RUFY1: variants seen among roughly 807,000 people sequenced by gnomAD.
RUFY1 encodes the protein RUN and FYVE domain containing 1, also known as RUN and FYVE domain-containing protein 1.
Under a neutral mutation model 94.6 loss-of-function variants are expected in RUFY1, and 54 were observed. That is an observed-to-expected ratio of 0.57 (90% CI 0.46 to 0.72). The LOEUF (loss-of-function observed/expected upper bound fraction) is 0.72. Ranked by LOEUF, RUFY1 falls within the 30% of genes least tolerant of loss-of-function variation. The probability of loss-of-function intolerance (pLI) is 0.00; values close to 1 mark genes in which losing one functional copy is unlikely to be tolerated. For synonymous variants in RUFY1, 396 were observed against 347.3 expected (o/e 1.14, Z -1.56); for missense variants, 883 against 883.9 (o/e 1.00, Z 0.01).
intron 8 of RUFY1, among the ~76,000 whole-genome samples, chr5:179,588,635 T>G (rs1268156624): frequency 1.3e-5 from 2 of 152,182 alleles, no homozygotes; most frequent in Non-Finnish European, 2.9e-5. Flanking sequence ...CTGGAAAAAC[T>G]GGAAAGAAAG....
chr5:179,608,936 AG>A (rs1767404102), intron 17 of RUFY1, among the ~76,000 whole-genome samples: 1 of 116,680 alleles, frequency 8.6e-6, no homozygotes, highest in African/African-American at 3.2e-5. Flanking sequence ...AAAAAAAAAA[AG>A]CCGGGCGCGG....
intron 14 of RUFY1, chr5:179,599,552 A>C (rs1211880750): frequency 6.6e-6 from 1 of 152,446 alleles, no homozygotes; most frequent in African/African-American, 2.4e-5. Context: ...AGAGGGCGAG[A>C]GAAGTGGGGT....
At chr5:179,580,220 TGTGTG>T (rs1764009562) in intron 6 of RUFY1, among the ~76,000 whole-genome samples, 1 of 57,802 alleles carries the variant, frequency 1.7e-5, no homozygotes, top group Admixed American at 1.8e-4. Context: ...TGTGTGTGTG[TGTGTG>T]TGTGTGTGTG....
intron 1 of RUFY1, among the ~76,000 whole-genome samples, chr5:179,552,754 T>A (rs897537164): frequency 3.3e-5 from 5 of 152,084 alleles, no homozygotes; most frequent in Non-Finnish European, 5.9e-5. Context: ...AAGGAAAAAA[T>A]TAAAAAGATA....
intron 14 of RUFY1, 47 bp from the exon 15 acceptor site, chr5:179,601,845 G>A (rs1167433795): frequency 1.1e-6 from 1 of 900,664 alleles, no homozygotes; most frequent in Non-Finnish European, 1.7e-6. Flanking sequence ...AAAAAAAAAG[G>A]ACCGTGTAAT....
Position 179,578,816 on chromosome 5 carries a change from G to A in RUFY1, c.890+1680G>A, listed in dbSNP as rs571416515. On this transcript the variant is annotated intron_variant, in intron 6 of 17. Transcript: ENST00000319449. ...TGTGCCACCATGCCTGGCTAATTTT[G>A]TATTTTTAGTGGAGATGGAGTTTCT... Among the ~76,000 whole-genome samples, 12 of 151,852 alleles carry A rather than the reference G, an allele frequency of 7.9e-5. No homozygotes were observed. The East Asian group carries it at 1.6e-3, about 20-fold the overall frequency.
chr5:179,559,867 C>A lies in RUFY1; in HGVS notation c.311-158C>A, dbSNP rs1189225099. On this transcript the variant is annotated intron_variant, in intron 1 of 17. Coordinates refer to ENST00000319449, the MANE Select transcript of RUFY1 (RefSeq NM_025158.5). Reference sequence around the variant, plus strand: ...GGCTGTGGCCTCTAGGGATCAGGGACTACTTACCTGCGAATCCCGGTTGCC... The same window carrying A: ...GGCTGTGGCCTCTAGGGATCAGGGAATACTTACCTGCGAATCCCGGTTGCC... 2.1e-6 allele frequency: 3 copies of A among 1,422,240 alleles called. No homozygotes were observed. The Admixed American group carries it at 8.4e-5, about 40-fold the overall frequency. 88.1% of individuals were successfully genotyped at this position (1,422,240 alleles called of 1,614,324 possible). A position where few individuals can be genotyped will look rare whatever the true frequency, so the allele number is the denominator to read the frequency against.
intron 9 of RUFY1, among the ~76,000 whole-genome samples, chr5:179,591,134 A>G (rs946469876): frequency 6.6e-6 from 1 of 151,968 alleles, no homozygotes; most frequent in Non-Finnish European, 1.5e-5. Flanking sequence ...CACCCAGCCT[A>G]TGAACTTAAC....
Position 179,591,663 on chromosome 5 carries a change from C to T in RUFY1, c.1167C>T (p.Tyr389=), listed in dbSNP as rs1328763010. ...KQDTKVELET[Y]KQTRQGLDEM... ...ATACCAAAGTTGAGCTGGAGACTTACAAGCAAACTCGGCAAGGTCTGGATG... is the reference window on the plus strand; with the variant it reads ...ATACCAAAGTTGAGCTGGAGACTTATAAGCAAACTCGGCAAGGTCTGGATG... The change falls in exon 10 of 18, where the codon TAC becomes TAT. Residue 389 remains tyrosine (Y), a synonymous_variant. Transcript: ENST00000319449. 6.2e-7 allele frequency: 1 copy of T among 1,613,146 alleles called. No homozygotes were observed. Among genetic ancestry groups the T allele is most frequent in the Non-Finnish European group, 8.5e-7 (1 of 1,179,722 alleles).
chr5:179,564,673 C>CA lies in RUFY1; in HGVS notation c.602+2020dup, dbSNP rs11318450. Among the ~76,000 whole-genome samples the CA allele has an allele frequency of 2.7e-4, 37 of 136,416 alleles. No homozygotes were observed. In the East Asian group the frequency reaches 5.1e-3, roughly 19 times the overall value. The allele number at this position is 136,416 out of a possible 152,430, so 89.5% of individuals were successfully genotyped here. A position where few individuals can be genotyped will look rare whatever the true frequency, so the allele number is the denominator to read the frequency against. On this transcript the variant is annotated intron_variant, in intron 3 of 17. Transcript: ENST00000319449. ...GACAGAGTGAAGTGAGACTCCATCT[C>CA]AAAAAAAAAAAGAAAAAAAAATCAT...
At chr5:179,570,756 G>GT (rs1359763270) in intron 5 of RUFY1, among the ~76,000 whole-genome samples, 35 of 150,804 alleles carry the variant, frequency 2.3e-4, no homozygotes, top group African/African-American at 1.5e-4. Context: ...GCAGGTCAGT[G>GT]TTTTTTTATA....
chr5:179,567,249 T>C (rs934328585), intron 3 of RUFY1, among the ~76,000 whole-genome samples: 8 of 152,210 alleles, frequency 5.3e-5, no homozygotes, highest in African/African-American at 1.9e-4. Flanking sequence ...TATCTAATTG[T>C]ATTTGTAATA....
chr5:179,576,019 C>T (rs1763586710), intron 5 of RUFY1, among the ~76,000 whole-genome samples: 1 of 152,094 alleles, frequency 6.6e-6, no homozygotes, highest in African/African-American at 2.4e-5. Flanking sequence ...GAGCCCAAGC[C>T]ATCCACCCTC....
chr5:179,570,299 G>A (rs1016289282), intron 5 of RUFY1, among the ~76,000 whole-genome samples: 1 of 152,182 alleles, frequency 6.6e-6, no homozygotes, highest in African/African-American at 2.4e-5. Context: ...AGCCATTCAG[G>A]TTATGAGTTG....
At chr5:179,605,854 A>G in intron 15 of RUFY1, 22 bp from the exon 16 acceptor site, 1 of 1,566,582 alleles carries the variant, frequency 6.4e-7, no homozygotes, top group Non-Finnish European at 8.7e-7. Context: ...CTGCTATGAA[A>G]TGGCCTTTTT....
intron 8 of RUFY1, chr5:179,586,535 T>C (rs1232602225): frequency 4.6e-6 from 2 of 436,536 alleles, no homozygotes; most frequent in Non-Finnish European, 9.2e-6. Flanking sequence ...TGAGAGGGGC[T>C]TGAGAAGGAA....
chr5:179,560,535 C>T (rs558304477), intron 2 of RUFY1, among the ~76,000 whole-genome samples: 108 of 149,488 alleles, frequency 7.2e-4, no homozygotes, highest in South Asian at 2.5e-3. Flanking sequence ...CTGGCTAACA[C>T]GGTGAAACCC....
Position 179,589,413 on chromosome 5 carries a change from T to C in RUFY1, c.1027-133T>C, listed in dbSNP as rs1581510103. On this transcript the variant is annotated intron_variant, in intron 8 of 17. Transcript: ENST00000319449. ...ATTTGGAACCATGTATTATTACCTA[T>C]TGAAAACAAGGAAATAAAATATCAA... 5 of 638,292 alleles carry C rather than the reference T, an allele frequency of 7.8e-6. No individual in the cohort carries two copies. In the Admixed American group the frequency reaches 8.5e-5, roughly 11 times the overall value. 39.5% of individuals were successfully genotyped at this position (638,292 alleles called of 1,614,324 possible).
rs745425733 is a variant in RUFY1, at chr5:179,550,683, C to A, written c.114C>A (p.Ile38=). Residue 38 remains isoleucine (I), a synonymous_variant, in exon 1 of 18, where the codon ATC becomes ATA. Coordinates refer to ENST00000319449, the MANE Select transcript of RUFY1 (RefSeq NM_025158.5). ...SALEPGEEFE[I]VDRSQLPGPG... ...TTGAGCCGGGAGAAGAGTTTGAGAT[C>A]GTGGACCGAAGCCAGCTGCCCGGCC... 1.9e-5 allele frequency: 28 copies of A among 1,498,996 alleles called. No individual in the cohort carries two copies. The highest frequency in any genetic ancestry group is 3.6e-4 in the Middle Eastern group (2 of 5,484). 92.9% of individuals were successfully genotyped at this position (1,498,996 alleles called of 1,614,324 possible).
Sources: gnomAD v4.1 joint callset for allele counts (sites outside exome capture counted in the v4.1 genomes callset) on GRCh38, gnomAD v4.1.1 for gene constraint, MANE v1.5 for transcripts, NCBI Gene and HGNC (gene_info 2026-07-23, HGNC 2026-07-21) for gene names.